Variants in TGM3 observed in about 807,000 individuals in gnomAD.
TGM3 encodes protein-glutamine gamma-glutamyltransferase E.
In TGM3, 52 loss-of-function variants were observed where a neutral mutation model predicts 73.8. The ratio of observed to expected loss-of-function variants is 0.70; its 90% CI spans 0.56 to 0.89. The LOEUF (loss-of-function observed/expected upper bound fraction) is 0.89. TGM3 is among the 40% of genes least tolerant of loss of function. The probability of loss-of-function intolerance (pLI) is 0.00; values close to 1 mark genes in which losing one functional copy is unlikely to be tolerated. For synonymous variants in TGM3, 372 were observed against 354.9 expected (o/e 1.05, Z -0.54); for missense variants, 928 against 909.9 (o/e 1.02, Z -0.26).
chr20:2,308,870 C>T (rs1911255988), intron 1 of TGM3, among the ~76,000 whole-genome samples: 1 of 112,112 alleles, frequency 8.9e-6, no homozygotes, highest in Non-Finnish European at 1.8e-5. Context: ...AGGTATCCTC[C>T]CTTCAGTTCT....
intron 7 of TGM3, among the ~76,000 whole-genome samples, chr20:2,322,423 G>GT (rs902500098): frequency 5.3e-5 from 8 of 151,752 alleles, no homozygotes; most frequent in Non-Finnish European, 1.0e-4. Context: ...TTAGTCATGT[G>GT]TTTTTTACTA....
intron 7 of TGM3, among the ~76,000 whole-genome samples, chr20:2,320,853 T>A (rs1281090417): frequency 6.6e-6 from 1 of 152,204 alleles, no homozygotes. Flanking sequence ...TTTTCTGGCT[T>A]GTTTTCTTCA....
chr20:2,309,997 G>A (rs1049940782), intron 2 of TGM3, among the ~76,000 whole-genome samples, 167 bp downstream of exon 2: 1 of 152,220 alleles, frequency 6.6e-6, no homozygotes, highest in Non-Finnish European at 1.5e-5. Flanking sequence ...CTCTGAGCCT[G>A]AGAGTCACCA....
rs187491385 is a variant in TGM3, at chr20:2,338,043, C to A, written c.1801-1811C>A. On this transcript the variant is annotated intron_variant, in intron 11 of 12. Transcript: ENST00000381458. ...TCGAGACATTCTTGTCTCTATTGAA[C>A]GGATCAATGCCTAGCTCACTCAGAG... Among the ~76,000 whole-genome samples the A allele has an allele frequency of 4.0e-5, 6 of 151,468 alleles. No individual in the cohort carries two copies. The East Asian group carries it at 1.2e-3, about 30-fold the overall frequency.
Position 2,340,564 on chromosome 20 carries a change from A to G in TGM3, c.2065A>G (p.Ile689Val), listed in dbSNP as rs1568636134. 6.2e-7 allele frequency: 1 copy of G among 1,614,134 alleles called. No individual in the cohort carries two copies. ...CCCTGCAATCAAGGCCATGTTGTCC[A>G]TCGATGTAGCCGAATGAAGGGCGCT... ...KFPAIKAMLS[I>V]DVAE The change falls in exon 13 of 13, where the codon ATC becomes GTC. Residue 689 changes from isoleucine (I) to valine (V), a missense_variant. Coordinates refer to ENST00000381458, the MANE Select transcript of TGM3 (RefSeq NM_003245.4).
chr20:2,309,925 C>T, intron 2 of TGM3, 95 bp downstream of exon 2: 2 of 1,526,258 alleles, frequency 1.3e-6, no homozygotes, highest in Non-Finnish European at 1.8e-6. Flanking sequence ...GGGCCACTGG[C>T]ATTGGGTTCT....
chr20:2,310,502 A>C lies in TGM3; in HGVS notation c.421+85A>C, dbSNP rs1600695133. 20 of 1,555,276 alleles carry C rather than the reference A, an allele frequency of 1.3e-5. No homozygotes were observed. The East Asian group carries it at 4.1e-4, about 32-fold the overall frequency. On this transcript the variant is annotated intron_variant, in intron 3 of 12. Transcript: ENST00000381458. ...TGGGGGAAATGATCTTCACAGGCTCAAGTTTGATTAGGGAAAGTCCATGGG... is the reference window on the plus strand; with the variant it reads ...TGGGGGAAATGATCTTCACAGGCTCCAGTTTGATTAGGGAAAGTCCATGGG...
In TGM3 at chr20:2,311,103, G is replaced by T; in HGVS notation, c.514G>T (p.Gly172Cys). The part of the protein sequence containing the change: ...IIFVGSTNRI[G>C]MIGWNFGQFE... ...CTTTGTGGGAAGCACAAACCGAATTGGCATGATTGGCTGGAACTTTGGACA... is the reference window on the plus strand; with the variant it reads ...CTTTGTGGGAAGCACAAACCGAATTTGCATGATTGGCTGGAACTTTGGACA... The change falls in exon 4 of 13, where the codon GGC (glycine) becomes TGC (cysteine). Residue 172 changes from glycine (G) to cysteine (C), a missense_variant. Gly to Cys is a radical substitution (Grantham distance 159). Transcript: ENST00000381458. 1 of 1,614,124 alleles carries T rather than the reference G, an allele frequency of 6.2e-7. No homozygotes were observed. Among genetic ancestry groups the T allele is most frequent in the South Asian group, 1.1e-5 (1 of 91,072 alleles).
intron 8 of TGM3, among the ~76,000 whole-genome samples, chr20:2,326,882 G>A (rs1042625083): frequency 5.9e-5 from 9 of 151,980 alleles, no homozygotes; most frequent in Non-Finnish European, 8.8e-5. Flanking sequence ...AGTAATATGT[G>A]CATGTAGTTG....
In TGM3 at chr20:2,332,023, T is replaced by G. The variant is rs1568632644; in HGVS notation, c.1355T>G (p.Val452Gly). The change falls in exon 10 of 13, where the codon GTG becomes GGG. Residue 452 changes from valine to glycine, a missense_variant. Val to Gly is a moderately radical substitution (Grantham distance 109). Transcript: ENST00000381458. This position sits in a 1 kb window ranked among gnomAD's most constrained non-coding sequence, Gnocchi z 4.4. The part of the protein sequence containing the change: ...YPEGSDQERQ[V>G]FQKALGKLKP... Reference sequence around the variant, plus strand: ...ACAGGCTCTGACCAGGAAAGACAAGTGTTCCAAAAGGCTTTGGGGAAACTT... The same window carrying G: ...ACAGGCTCTGACCAGGAAAGACAAGGGTTCCAAAAGGCTTTGGGGAAACTT... 6.2e-7 allele frequency: 1 copy of G among 1,609,840 alleles called. No homozygotes were observed. The highest frequency in any genetic ancestry group is 2.2e-5 in the East Asian group (1 of 44,872).
intron 7 of TGM3, among the ~76,000 whole-genome samples, chr20:2,321,860 A>G (rs45590540): frequency 0.012 from 1,800 of 152,330 alleles, 33 homozygotes; most frequent in African/African-American, 0.041. Context: ...TGGCTTTTGC[A>G]TGAGGGAGGA....
chr20:2,321,441 C>T (rs6082720), intron 7 of TGM3, among the ~76,000 whole-genome samples: 3,905 of 152,164 alleles, frequency 0.026, 93 homozygotes, highest in African/African-American at 0.06. Context: ...TCTGAACAAA[C>T]TTTGGGAGGA....
At chr20:2,309,468 T>A (rs1392487183) in intron 1 of TGM3, among the ~76,000 whole-genome samples, 189 bp from the exon 2 acceptor site, 1 of 152,104 alleles carries the variant, frequency 6.6e-6, no homozygotes, top group Non-Finnish European at 1.5e-5. Context: ...AAAGATTGAG[T>A]GGGAATAGGT....
In TGM3 at chr20:2,325,902, C is replaced by T. The variant is rs763641265; in HGVS notation, c.1037C>T (p.Ser346Leu). The T allele has an allele frequency of 5.0e-6, 8 of 1,592,060 alleles. No homozygotes were observed. The highest frequency in any genetic ancestry group is 4.6e-5 in the East Asian group (2 of 43,938). ...TTTGTGAGGTCTGACCTGGGCCCCT[C>T]GTACGGTGGATGGCAGGTGTTGGAT... ...GWFVRSDLGP[S>L]YGGWQVLDAT... The change falls in exon 8 of 13, where the codon TCG (serine) becomes TTG (leucine). Residue 346 changes from serine (S) to leucine (L), a missense_variant. Ser to Leu is a moderately radical substitution (Grantham distance 145). Coordinates refer to ENST00000381458, the MANE Select transcript of TGM3 (RefSeq NM_003245.4).
chr20:2,334,896 C>T lies in TGM3; in HGVS notation c.1643-220C>T, dbSNP rs2084340135. ...GAGCCCATCCTCCTGGGAATCTGCC[C>T]AGCCAGAGAGAGTCCTGGGGCCTCT... On this transcript the variant is annotated intron_variant, in intron 10 of 12. Transcript: ENST00000381458. The surrounding 1 kb of genome is among the most constrained non-coding windows in gnomAD (Gnocchi z 4.0). Among the ~76,000 whole-genome samples, 1 of 152,182 alleles carries T rather than the reference C, an allele frequency of 6.6e-6. No homozygotes were observed. Among genetic ancestry groups the T allele is most frequent in the African/African-American group, 2.4e-5 (1 of 41,460 alleles).
At chr20:2,340,285 C>A in intron 12 of TGM3, 149 bp from the exon 13 acceptor site, 1 of 1,252,332 alleles carries the variant, frequency 8.0e-7, no homozygotes, top group Non-Finnish European at 1.1e-6. Flanking sequence ...CTGGAGGGGC[C>A]CCGTAACCCA....
chr20:2,307,099 A>C (rs1017200980), intron 1 of TGM3, among the ~76,000 whole-genome samples: 2 of 152,162 alleles, frequency 1.3e-5, no homozygotes, highest in African/African-American at 2.4e-5. Flanking sequence ...AGTTTCCCTG[A>C]ATTTGTGCAA....
intron 1 of TGM3, among the ~76,000 whole-genome samples, chr20:2,304,991 C>G (rs2084169736): frequency 1.3e-5 from 2 of 152,198 alleles, no homozygotes; most frequent in Non-Finnish European, 2.9e-5. Flanking sequence ...GGATACAACT[C>G]AGAAGCAGCC....
chr20:2,324,617 T>A (rs117226861), intron 7 of TGM3, among the ~76,000 whole-genome samples: 2,028 of 152,262 alleles, frequency 0.013, 19 homozygotes, highest in South Asian at 0.029. Flanking sequence ...TGATTGAGGG[T>A]CACCTAGAGG....
Sources: gnomAD v4.1 joint callset for allele counts (sites outside exome capture counted in the v4.1 genomes callset) on GRCh38, gnomAD v4.1.1 for gene constraint, Gnocchi (gnomAD v3.1) non-coding constraint, MANE v1.5 for transcripts, NCBI Gene and HGNC (gene_info 2026-07-23, HGNC 2026-07-21) for gene names.